STAU2: variants seen among roughly 807,000 people sequenced by gnomAD.
The protein encoded by STAU2 is double-stranded RNA-binding protein Staufen homolog 2.
A neutral mutation model predicts 65.9 loss-of-function variants in STAU2; 20 were observed. The observed-to-expected ratio is 0.30, with a 90% CI of 0.21 to 0.44. The LOEUF is 0.44. Ranked by LOEUF, STAU2 falls within the 20% of genes least tolerant of loss-of-function variation. The pLI, the probability that STAU2 is intolerant of heterozygous loss-of-function variation, is 1.00. For synonymous variants in STAU2, 232 were observed against 233.9 expected, an observed-to-expected ratio of 0.99 and a Z score of 0.07; for missense variants, 558 against 683.9, an observed-to-expected ratio of 0.82 and a Z score of 2.05.
chr8:73,469,005 C>T (rs1018152180), intron 13 of STAU2, among the ~76,000 whole-genome samples: 37 of 152,042 alleles, frequency 2.4e-4, no homozygotes, highest in African/African-American at 8.2e-4. Flanking sequence ...CACATGCACA[C>T]GTATGTTTAT....
chr8:73,654,034 T>A, intron 6 of STAU2: 1 of 212,770 alleles, frequency 4.7e-6, no homozygotes, highest in South Asian at 5.6e-5. Flanking sequence ...TGCTACCACA[T>A]TTTTTATATT....
intron 6 of STAU2, among the ~76,000 whole-genome samples, chr8:73,635,517 G>C (rs1814425894): frequency 6.6e-6 from 1 of 152,130 alleles, no homozygotes; most frequent in African/African-American, 2.4e-5. Flanking sequence ...GGAATATGGA[G>C]GAGGAAATAT....
chr8:73,727,976 G>A (rs1805771402), intron 3 of STAU2: 1 of 152,198 alleles, frequency 6.6e-6, no homozygotes, highest in African/African-American at 2.4e-5. Context: ...ATGATGTTGA[G>A]TATTAATGAT....
chr8:73,460,122 C>T (rs924806347), intron 13 of STAU2, among the ~76,000 whole-genome samples: 3 of 152,208 alleles, frequency 2.0e-5, no homozygotes, highest in African/African-American at 7.2e-5. Flanking sequence ...GTATCTGTAT[C>T]TTCTTAAGAT....
In STAU2 at chr8:73,720,804, G is replaced by A. The variant is rs562476880; in HGVS notation, c.-17-11642C>T. Among the ~76,000 whole-genome samples, 16 of 80,388 alleles carry A rather than the reference G, an allele frequency of 2.0e-4. 5 individuals are homozygous for A. The East Asian group carries it at 7.9e-3, about 40-fold the overall frequency. 52.7% of individuals were successfully genotyped at this position (80,388 alleles called of 152,430 possible). A position where few individuals can be genotyped will look rare whatever the true frequency, so the allele number is the denominator to read the frequency against. On this transcript the variant is annotated intron_variant, in intron 3 of 14. Transcript: ENST00000524300. ...TGGGATTACAGGCGTGAGCCACCGCGCCCGGCCTAGTTTAAAATACTTTCT... is the reference window on the plus strand; with the variant it reads ...TGGGATTACAGGCGTGAGCCACCGCACCCGGCCTAGTTTAAAATACTTTCT...
chr8:73,531,819 CTCTT>C (rs1805839883), intron 13 of STAU2, among the ~76,000 whole-genome samples: 2 of 152,192 alleles, frequency 1.3e-5, no homozygotes, highest in Non-Finnish European at 2.9e-5. Context: ...ACTGGGTAAA[CTCTT>C]TCTGCTAGAA....
chr8:73,546,590 C>T (rs1187807925), intron 13 of STAU2, among the ~76,000 whole-genome samples: 1 of 152,162 alleles, frequency 6.6e-6, no homozygotes, highest in Non-Finnish European at 1.5e-5. Context: ...TAAATGCATG[C>T]CCCTGTTATG....
chr8:73,579,167 T>C (rs1809806281), intron 12 of STAU2, among the ~76,000 whole-genome samples: 1 of 152,304 alleles, frequency 6.6e-6, no homozygotes, highest in South Asian at 2.1e-4. Flanking sequence ...TATTGGTAAG[T>C]CAACTAAGAT....
At chr8:73,619,092 A>T (rs1813044748) in intron 6 of STAU2, among the ~76,000 whole-genome samples, 1 of 152,192 alleles carries the variant, frequency 6.6e-6, no homozygotes, top group African/African-American at 2.4e-5. Flanking sequence ...CCAAGATAGA[A>T]ATAATATTTG....
At chr8:73,725,659 T>C (rs1263745263) in intron 3 of STAU2, among the ~76,000 whole-genome samples, 1 of 152,182 alleles carries the variant, frequency 6.6e-6, no homozygotes. Context: ...TAACTGAGCA[T>C]AGTGGCTCAT....
At chr8:73,466,913 C>T (rs1176908447) in intron 13 of STAU2, among the ~76,000 whole-genome samples, 1 of 152,208 alleles carries the variant, frequency 6.6e-6, no homozygotes, top group Non-Finnish European at 1.5e-5. Flanking sequence ...TCTGGTCTAC[C>T]AGGCCCACCA....
intron 13 of STAU2, among the ~76,000 whole-genome samples, chr8:73,436,613 G>C (rs575683667): frequency 1.2e-5 from 1 of 85,196 alleles, no homozygotes; most frequent in South Asian, 3.1e-4. Flanking sequence ...TTGAGACAGA[G>C]TCTTACTCTG....
At chr8:73,742,337 A>C in intron 1 of STAU2, 1 of 593,444 alleles carries the variant, frequency 1.7e-6, no homozygotes, top group Non-Finnish European at 2.1e-6. Flanking sequence ...GTTCGAGACT[A>C]GCCTGGCGAA....
intron 13 of STAU2, among the ~76,000 whole-genome samples, chr8:73,459,449 G>A (rs1585799612): frequency 6.6e-6 from 1 of 152,146 alleles, no homozygotes; most frequent in South Asian, 2.1e-4. Flanking sequence ...AATACATTCT[G>A]AGAGCCATCT....
intron 13 of STAU2, among the ~76,000 whole-genome samples, chr8:73,545,916 G>C (rs1806886578): frequency 6.6e-6 from 1 of 151,892 alleles, no homozygotes; most frequent in Admixed American, 6.6e-5. Flanking sequence ...CAAAGTGCAG[G>C]GATTACAGGC....
chr8:73,629,051 G>A (rs1199049918), intron 6 of STAU2, among the ~76,000 whole-genome samples: 1 of 152,178 alleles, frequency 6.6e-6, no homozygotes, highest in African/African-American at 2.4e-5. Context: ...CATACTTCTA[G>A]TATTCTGTCT....
intron 6 of STAU2, among the ~76,000 whole-genome samples, chr8:73,633,684 G>C (rs1334698231): frequency 6.6e-6 from 1 of 152,128 alleles, no homozygotes; most frequent in Non-Finnish European, 1.5e-5. Context: ...AAGTCAGTAA[G>C]AAAAAGACCA....
Position 73,582,803 on chromosome 8 carries a change from G to A in STAU2, c.1189C>T (p.Pro397Ser). 1.9e-6 allele frequency: 3 copies of A among 1,611,704 alleles called. No individual in the cohort carries two copies. The highest frequency in any genetic ancestry group is 2.5e-6 in the Non-Finnish European group (3 of 1,178,486). Residue 397 changes from proline (P) to serine (S), a missense_variant, in exon 12 of 15, where the codon CCA (proline) becomes TCA (serine). Pro to Ser is a moderately conservative substitution (Grantham distance 74). Transcript: ENST00000524300. Reference protein sequence around the residue: ...KTGENKGWSGPKPGFPEPTNN... With the variant: ...KTGENKGWSGSKPGFPEPTNN... The stretch of plus-strand genomic sequence containing the variant: ...GTTGGTTCAGGAAACCCAGGCTTTG[G>A]ACCACTCCATCCTTTGTTTTCCCCT...
chr8:73,705,099 T>G (rs1451659175), intron 4 of STAU2, among the ~76,000 whole-genome samples: 1 of 152,244 alleles, frequency 6.6e-6, no homozygotes, highest in Non-Finnish European at 1.5e-5. Context: ...GGGGTTGTTT[T>G]AGTCCTATAT....
Sources: gnomAD v4.1 joint callset for allele counts (sites outside exome capture counted in the v4.1 genomes callset) on GRCh38, gnomAD v4.1.1 for gene constraint, MANE v1.5 for transcripts, NCBI Gene and HGNC (gene_info 2026-07-23, HGNC 2026-07-21) for gene names.